Variants in NRG2 observed in about 807,000 individuals in gnomAD.
The protein encoded by NRG2 is neuregulin 2.
In NRG2, 27 loss-of-function variants were observed where a neutral mutation model predicts 73.9. The observed-to-expected ratio is 0.37, with a 90% CI of 0.27 to 0.50. The LOEUF (loss-of-function observed/expected upper bound fraction) is 0.50. Ranked by LOEUF, NRG2 falls within the 20% of genes least tolerant of loss-of-function variation. NRG2 has a pLI of 0.96. For synonymous variants in NRG2, 532 were observed against 541.0 expected, an observed-to-expected ratio of 0.98 and a Z score of 0.23; for missense variants, 1,126 against 1,210.1, an observed-to-expected ratio of 0.93 and a Z score of 1.03.
chr5:139,866,566 G>A (rs1366298159), intron 4 of NRG2, among the ~76,000 whole-genome samples: 1 of 152,188 alleles, frequency 6.6e-6, no homozygotes, highest in East Asian at 1.9e-4. Flanking sequence ...AAAAGGGATT[G>A]GAGCAGGCTC....
chr5:139,881,321 T>G (rs1763514883), intron 2 of NRG2, among the ~76,000 whole-genome samples: 1 of 152,154 alleles, frequency 6.6e-6, no homozygotes, highest in Admixed American at 6.5e-5. Flanking sequence ...GCCACCTCCC[T>G]CATTCCCAGC....
At chr5:140,037,143 T>G (rs1396565776) in intron 1 of NRG2, among the ~76,000 whole-genome samples, 1 of 152,244 alleles carries the variant, frequency 6.6e-6, no homozygotes, top group Non-Finnish European at 1.5e-5. Flanking sequence ...CTCTGTCTTC[T>G]GAATGAAAAT....
intron 1 of NRG2, among the ~76,000 whole-genome samples, chr5:139,982,766 C>T (rs933367241): frequency 2.6e-5 from 4 of 152,180 alleles, no homozygotes; most frequent in African/African-American, 9.7e-5. Context: ...GCCTTGCTTT[C>T]CCCTGGTCCA....
At chr5:139,871,346 G>A (rs1344073961) in intron 4 of NRG2, among the ~76,000 whole-genome samples, 2 of 152,148 alleles carry the variant, frequency 1.3e-5, no homozygotes, top group Admixed American at 1.3e-4. Flanking sequence ...GCTGAGAGAT[G>A]GGGAGGAAAA....
At chr5:140,023,377 C>T (rs1409491268) in intron 1 of NRG2, among the ~76,000 whole-genome samples, 2 of 152,168 alleles carry the variant, frequency 1.3e-5, no homozygotes, top group Non-Finnish European at 2.9e-5. Context: ...CCCTATCTGC[C>T]TAAATCCTCC....
intron 1 of NRG2, among the ~76,000 whole-genome samples, chr5:139,942,676 A>T (rs1017459296): frequency 1.3e-5 from 2 of 152,186 alleles, no homozygotes; most frequent in African/African-American, 4.8e-5. Flanking sequence ...TGTTTCTCCC[A>T]ATGTCCACAG....
Position 139,904,485 on chromosome 5 carries a change from C to G in NRG2, c.701-16974G>C. 2 of 741,810 alleles carry G rather than the reference C, an allele frequency of 2.7e-6. No individual in the cohort carries two copies. The allele number at this position is 741,810 out of a possible 1,614,324, so 46.0% of individuals were successfully genotyped here. The stretch of plus-strand genomic sequence containing the variant: ...CGCCTGCAGCCTCAGTGCCCGAGCG[C>G]GGCGCCTTTCTTATAGGCGGTCACA... On this transcript the variant is annotated intron_variant, in intron 1 of 9. Coordinates refer to ENST00000361474, the MANE Select transcript of NRG2 (RefSeq NM_004883.3). The surrounding 1 kb of genome is among the most constrained non-coding windows in gnomAD (Gnocchi z 6.0).
chr5:140,029,631 T>C (rs1234561306), intron 1 of NRG2, among the ~76,000 whole-genome samples: 1 of 142,280 alleles, frequency 7.0e-6, no homozygotes, highest in Admixed American at 7.6e-5. Context: ...GAGGTTGCAG[T>C]GAGCTGAGAT....
intron 1 of NRG2, among the ~76,000 whole-genome samples, chr5:139,918,808 G>A (rs1026481498): frequency 6.6e-6 from 1 of 152,122 alleles, no homozygotes; most frequent in African/African-American, 2.4e-5. Flanking sequence ...AGTCATCATG[G>A]CAAGCAAGAC....
chr5:140,032,447 G>A (rs1761225788), intron 1 of NRG2, among the ~76,000 whole-genome samples: 1 of 152,110 alleles, frequency 6.6e-6, no homozygotes, highest in African/African-American at 2.4e-5. Context: ...ACATGACCAA[G>A]AAGCAAAATT....
chr5:139,848,554 T>A lies in NRG2; in HGVS notation c.1916A>T (p.Tyr639Phe). Residue 639 changes from tyrosine to phenylalanine, a missense_variant, in exon 10 of 10, where the codon TAC becomes TTC. Around this residue, in one of 3 missense-constraint regions of NRG2, gnomAD observed 402 missense variants for 357.8 expected, o/e 1.12. Coordinates refer to ENST00000361474, the MANE Select transcript of NRG2 (RefSeq NM_004883.3). ...TAACGGCTGCTGCTCGGCCAGGCGG[T>A]AACTGATGGGCGCCGCCGGCGGCAG... ...VSLPPAAPIS[Y>F]RLAEQQPLLR... The A allele has an allele frequency of 6.5e-7, 1 of 1,533,512 alleles. No homozygotes were observed. The highest frequency in any genetic ancestry group is 8.7e-7 in the Non-Finnish European group (1 of 1,152,144). 95.0% of individuals were successfully genotyped at this position (1,533,512 alleles called of 1,614,324 possible).
intron 1 of NRG2, among the ~76,000 whole-genome samples, chr5:139,999,638 C>T (rs554200677): frequency 1.6e-4 from 24 of 152,334 alleles, no homozygotes; most frequent in Admixed American, 2.6e-4. Context: ...TCATTTTCCC[C>T]ACTGTGCAGT....
At chr5:139,986,989 G>C (rs1308765317) in intron 1 of NRG2, among the ~76,000 whole-genome samples, 1 of 152,126 alleles carries the variant, frequency 6.6e-6, no homozygotes, top group Non-Finnish European at 1.5e-5. Context: ...AGGGGTTGGA[G>C]GCAGCCAGAG....
At chr5:139,947,520 C>A (rs958825505) in intron 1 of NRG2, among the ~76,000 whole-genome samples, 4 of 152,126 alleles carry the variant, frequency 2.6e-5, no homozygotes, top group Non-Finnish European at 5.9e-5. Flanking sequence ...TTGTTTATTA[C>A]GAATAATGCT....
chr5:139,908,164 C>T (rs1172119467), intron 1 of NRG2, among the ~76,000 whole-genome samples: 6 of 152,230 alleles, frequency 3.9e-5, no homozygotes, highest in Non-Finnish European at 7.3e-5. Context: ...TGCTTGTGAG[C>T]AGGTGAGAGA....
Position 139,904,912 on chromosome 5 carries a change from C to T in NRG2, c.701-17401G>A, listed in dbSNP as rs1273116329. ...GGGTCTCCACAACCTCGAGGCACCCCCGGCCGTACAGGCGGGTTGCCTGTG... is the reference window on the plus strand; with the variant it reads ...GGGTCTCCACAACCTCGAGGCACCCTCGGCCGTACAGGCGGGTTGCCTGTG... On this transcript the variant is annotated intron_variant, in intron 1 of 9. Transcript: ENST00000361474. This position sits in a 1 kb window ranked among gnomAD's most constrained non-coding sequence, Gnocchi z 6.0. Among the ~76,000 whole-genome samples, 2 of 152,236 alleles carry T rather than the reference C, an allele frequency of 1.3e-5. No individual in the cohort carries two copies. Among genetic ancestry groups the T allele is most frequent in the Admixed American group, 6.5e-5 (1 of 15,290 alleles).
chr5:139,864,635 T>C (rs1762364171), intron 5 of NRG2, among the ~76,000 whole-genome samples: 1 of 152,028 alleles, frequency 6.6e-6, no homozygotes, highest in African/African-American at 2.4e-5. Flanking sequence ...CCCTGGGTCC[T>C]GCTCTCCCTT....
chr5:140,009,919 C>T (rs2126641351), intron 1 of NRG2, among the ~76,000 whole-genome samples: 1 of 152,206 alleles, frequency 6.6e-6, no homozygotes, highest in Non-Finnish European at 1.5e-5. Context: ...ACTATGAAAA[C>T]TATAAAAAGA....
intron 2 of NRG2, among the ~76,000 whole-genome samples, chr5:139,884,702 T>G (rs980258940): frequency 1.3e-5 from 2 of 152,154 alleles, no homozygotes; most frequent in South Asian, 2.1e-4. Context: ...GACTAGAGAC[T>G]CATGAAGGTA....
Sources: allele counts gnomAD v4.1 joint callset (sites outside exome capture counted in the v4.1 genomes callset), GRCh38; gene constraint gnomAD v4.1.1; regional missense constraint gnomAD v4.1.1; non-coding constraint Gnocchi (gnomAD v3.1); transcripts MANE v1.5; gene names NCBI Gene and HGNC (gene_info 2026-07-23, HGNC 2026-07-21).